The following CNTN5 variants were observed in gnomAD, a reference collection of about 807,000 sequenced individuals.
CNTN5 encodes the protein contactin 5.
CNTN5 carries 77 observed loss-of-function variants against 129.1 expected under a neutral mutation model. That is an observed-to-expected ratio of 0.60 (90% CI 0.50 to 0.72). The LOEUF (loss-of-function observed/expected upper bound fraction) is 0.72. Among genes scored for constraint, CNTN5 ranks in the 30% least tolerant of loss-of-function variants. The probability of loss-of-function intolerance (pLI) is 0.00; values close to 1 mark genes in which losing one functional copy is unlikely to be tolerated. For synonymous variants in CNTN5, 509 were observed against 465.6 expected (o/e 1.09, Z -1.20); for missense variants, 1,478 against 1,328.8 (o/e 1.11, Z -1.75).
At chr11:99,818,046 T>C (rs891625306) in intron 3 of CNTN5, among the ~76,000 whole-genome samples, 1 of 152,188 alleles carries the variant, frequency 6.6e-6, no homozygotes, top group Admixed American at 6.5e-5. Context: ...ACAGAAAATA[T>C]TAAACTTAAT....
At chr11:99,956,024 T>A (rs1950793943) in intron 7 of CNTN5, among the ~76,000 whole-genome samples, 2 of 152,162 alleles carry the variant, frequency 1.3e-5, no homozygotes, top group South Asian at 4.1e-4. Context: ...TTTCTTATAT[T>A]TAAATGGTGC....
chr11:99,981,865 C>T (rs1938371613), intron 8 of CNTN5, among the ~76,000 whole-genome samples: 1 of 152,108 alleles, frequency 6.6e-6, no homozygotes, highest in African/African-American at 2.4e-5. Context: ...AATCAGAGCC[C>T]ATATCAGCCA....
At chr11:99,417,272 C>G (rs1181000096) in intron 2 of CNTN5, among the ~76,000 whole-genome samples, 1 of 152,032 alleles carries the variant, frequency 6.6e-6, no homozygotes, top group Non-Finnish European at 1.5e-5. Flanking sequence ...GTAGATTAAA[C>G]ACACTCATTG....
At chr11:99,244,447 G>C (rs1861718850) in intron 1 of CNTN5, among the ~76,000 whole-genome samples, 1 of 152,066 alleles carries the variant, frequency 6.6e-6, no homozygotes, top group Admixed American at 6.6e-5. Context: ...AATTGGTTTG[G>C]AATAAATACT....
chr11:99,515,218 C>T (rs969019194), intron 2 of CNTN5, among the ~76,000 whole-genome samples: 1 of 151,984 alleles, frequency 6.6e-6, no homozygotes, highest in African/African-American at 2.4e-5. Flanking sequence ...ATTAACACTG[C>T]TGAATGTGGT....
intron 2 of CNTN5, among the ~76,000 whole-genome samples, chr11:99,488,353 A>G (rs1591149195): frequency 7.1e-6 from 1 of 140,718 alleles, no homozygotes; most frequent in South Asian, 2.3e-4. Context: ...TTGTATTTTT[A>G]GTAGAGACGG....
intron 1 of CNTN5, among the ~76,000 whole-genome samples, chr11:99,260,503 A>G (rs541706428): frequency 1.3e-5 from 2 of 152,046 alleles, no homozygotes; most frequent in South Asian, 4.1e-4. Context: ...GAAGTTTACA[A>G]TCATCAAAAG....
At chr11:99,736,399 G>C (rs1227048728) in intron 3 of CNTN5, among the ~76,000 whole-genome samples, 1 of 152,178 alleles carries the variant, frequency 6.6e-6, no homozygotes, top group East Asian at 1.9e-4. Flanking sequence ...GAGGAGCCCA[G>C]AATGTAAGGG....
At chr11:99,752,231 C>T (rs373727367) in intron 3 of CNTN5, among the ~76,000 whole-genome samples, 5 of 152,134 alleles carry the variant, frequency 3.3e-5, no homozygotes, top group African/African-American at 4.8e-5. Context: ...ATTGAGGAAG[C>T]GCTTTGTTTT....
At chr11:99,599,261 C>G (rs1030683647) in intron 3 of CNTN5, among the ~76,000 whole-genome samples, 1 of 151,230 alleles carries the variant, frequency 6.6e-6, no homozygotes, top group Non-Finnish European at 1.5e-5. Flanking sequence ...CTACAATAAC[C>G]CTTTTAAGTT....
intron 1 of CNTN5, among the ~76,000 whole-genome samples, chr11:99,057,999 A>C (rs912431066): frequency 6.6e-6 from 1 of 152,102 alleles, no homozygotes; most frequent in Non-Finnish European, 1.5e-5. Flanking sequence ...TTAAAAAACT[A>C]TCTGAGGCAG....
intron 16 of CNTN5, among the ~76,000 whole-genome samples, chr11:100,244,913 T>G (rs1282249401): frequency 6.6e-6 from 1 of 152,212 alleles, no homozygotes; most frequent in Non-Finnish European, 1.5e-5. Flanking sequence ...GAGATCTTTC[T>G]TTCAGGTTAC....
intron 3 of CNTN5, among the ~76,000 whole-genome samples, chr11:99,620,866 CAATA>C (rs1241333666): frequency 6.6e-6 from 1 of 151,946 alleles, no homozygotes; most frequent in African/African-American, 2.4e-5. Context: ...AAATATACAC[CAATA>C]GAGACAGAAA....
At chr11:100,331,323 A>C (rs944691064) in intron 21 of CNTN5, among the ~76,000 whole-genome samples, 1 of 152,182 alleles carries the variant, frequency 6.6e-6, no homozygotes, top group Non-Finnish European at 1.5e-5. Flanking sequence ...TGGAGCTCCC[A>C]AGTTTATAAA....
intron 3 of CNTN5, among the ~76,000 whole-genome samples, chr11:99,642,418 C>T (rs1023659691): frequency 2.0e-5 from 3 of 152,050 alleles, no homozygotes; most frequent in Admixed American, 6.6e-5. Flanking sequence ...TCCATATGTG[C>T]GAAATGCTGA....
chr11:99,630,926 C>G (rs1381414680), intron 3 of CNTN5, among the ~76,000 whole-genome samples: 1 of 152,122 alleles, frequency 6.6e-6, no homozygotes, highest in Non-Finnish European at 1.5e-5. Flanking sequence ...GTTATTTTCC[C>G]TAACTCATCC....
chr11:99,188,193 G>A (rs1465984010), intron 1 of CNTN5, among the ~76,000 whole-genome samples: 3 of 151,748 alleles, frequency 2.0e-5, no homozygotes, highest in Admixed American at 6.6e-5. Context: ...ATGGTATAAG[G>A]TTGGGTTAAT....
chr11:99,581,944 G>GT (rs1263260174), intron 3 of CNTN5, among the ~76,000 whole-genome samples: 1 of 152,088 alleles, frequency 6.6e-6, no homozygotes, highest in Non-Finnish European at 1.5e-5. Context: ...AATTTGGCAT[G>GT]TTTTTGCAGT....
chr11:100,135,492 A>G (rs559470010), intron 13 of CNTN5, among the ~76,000 whole-genome samples: 2 of 152,200 alleles, frequency 1.3e-5, no homozygotes, highest in East Asian at 3.9e-4. Context: ...ATTTTTTAAA[A>G]GAATTATATT....
Sources: gnomAD v4.1 joint callset for allele counts (sites outside exome capture counted in the v4.1 genomes callset) on GRCh38, gnomAD v4.1.1 for gene constraint, MANE v1.5 for transcripts, NCBI Gene and HGNC (gene_info 2026-07-23, HGNC 2026-07-21) for gene names.